The following DDX60L variants were observed in gnomAD, a reference collection of about 807,000 sequenced individuals.
The protein encoded by DDX60L is probable ATP-dependent RNA helicase DDX60-like.
Under a neutral mutation model 211.6 loss-of-function variants are expected in DDX60L, and 191 were observed. The ratio of observed to expected loss-of-function variants is 0.90; its 90% CI spans 0.80 to 1.02. The LOEUF is 1.02. Among genes scored for constraint, DDX60L ranks in the 50% least tolerant of loss-of-function variants. The probability of loss-of-function intolerance (pLI) is 0.00; values close to 1 mark genes in which losing one functional copy is unlikely to be tolerated. For synonymous variants in DDX60L, 706 were observed against 694.1 expected (o/e 1.02, Z -0.27); for missense variants, 2,007 against 1,984.1 (o/e 1.01, Z -0.22).
chr4:168,460,650 C>T (rs1303843593), intron 5 of DDX60L, among the ~76,000 whole-genome samples: 1 of 152,014 alleles, frequency 6.6e-6, no homozygotes, highest in Non-Finnish European at 1.5e-5. Flanking sequence ...TTTTCCACAC[C>T]AATAATTGCC....
In DDX60L at chr4:168,430,655, T is replaced by G; in HGVS notation, c.1517-17A>C. 6.7e-7 allele frequency: 1 copy of G among 1,497,018 alleles called. No homozygotes were observed. The highest frequency in any genetic ancestry group is 8.9e-7 in the Non-Finnish European group (1 of 1,119,994). The allele number at this position is 1,497,018 out of a possible 1,614,324, so 92.7% of individuals were successfully genotyped here. On this transcript the variant is annotated splice_polypyrimidine_tract_variant and intron_variant, in intron 12 of 37. Transcript: ENST00000682922. ...TAGATTGTTCTGAAATAGAAAGACT[T>G]AAAATGTAAACATGTATTTTAAAAT... is the stretch of plus-strand genomic sequence containing the variant.
intron 16 of DDX60L, 101 bp from the exon 17 acceptor site, chr4:168,422,010 T>G (rs1241323469): frequency 6.1e-6 from 9 of 1,480,076 alleles, no homozygotes; most frequent in African/African-American, 1.4e-5. Context: ...GCCTGTATTA[T>G]GCTACCTTTG....
At chr4:168,436,134 T>C (rs1424865402) in intron 10 of DDX60L, among the ~76,000 whole-genome samples, 1 of 152,228 alleles carries the variant, frequency 6.6e-6, no homozygotes, top group Non-Finnish European at 1.5e-5. Context: ...TTAGGTGTGC[T>C]ATTCTGGCTT....
intron 26 of DDX60L, among the ~76,000 whole-genome samples, chr4:168,396,952 A>G (rs768208597): frequency 1.3e-5 from 2 of 152,166 alleles, no homozygotes; most frequent in Non-Finnish European, 2.9e-5. Context: ...TTGAAATCCT[A>G]AACTCCATTT....
chr4:168,449,017 C>T (rs562318537), intron 8 of DDX60L, among the ~76,000 whole-genome samples: 18 of 152,194 alleles, frequency 1.2e-4, no homozygotes, highest in African/African-American at 3.9e-4. Context: ...CCTTATAGTA[C>T]GCTGTTCCCT....
intron 36 of DDX60L, among the ~76,000 whole-genome samples, chr4:168,362,161 C>G (rs1739225636): frequency 5.3e-5 from 8 of 152,232 alleles, no homozygotes; most frequent in Admixed American, 5.2e-4. Flanking sequence ...GAGGTGGCCC[C>G]ACCTCCTGAA....
At chr4:168,389,973 G>C (rs1744513554) in intron 29 of DDX60L, 1 of 169,168 alleles carries the variant, frequency 5.9e-6, no homozygotes, top group African/African-American at 2.4e-5. Context: ...TCTGTTTTAA[G>C]TGCATTTCTC....
intron 10 of DDX60L, among the ~76,000 whole-genome samples, chr4:168,437,570 G>A (rs753959504): frequency 1.1e-4 from 16 of 152,202 alleles, no homozygotes; most frequent in African/African-American, 1.2e-4. Context: ...GCAAAGGAAA[G>A]TCAGATAGGC....
chr4:168,451,673 G>C (rs1210433841), intron 8 of DDX60L, among the ~76,000 whole-genome samples: 2 of 152,184 alleles, frequency 1.3e-5, no homozygotes, highest in African/African-American at 4.8e-5. Flanking sequence ...AAACAAAAAT[G>C]TCAATTTCAG....
In DDX60L at chr4:168,462,674, G is replaced by A. The variant is rs180853299; in HGVS notation, c.265-634C>T. Among the ~76,000 whole-genome samples the A allele has an allele frequency of 4.2e-3, 633 of 152,146 alleles. 9 individuals are homozygous for A. The highest frequency in any genetic ancestry group is 0.014 in the African/African-American group (591 of 41,500). ...CTAAAAATACAAAAATTAGCTGGGC[G>A]CAGTGGTGGGTGCCTGCAAGCCCAG... On this transcript the variant is annotated intron_variant, in intron 4 of 37. Transcript: ENST00000682922.
intron 37 of DDX60L, among the ~76,000 whole-genome samples, chr4:168,360,438 C>T (rs1738910216): frequency 6.6e-6 from 1 of 152,174 alleles, no homozygotes; most frequent in Admixed American, 6.5e-5. Context: ...GAAAGCTTCC[C>T]AAAGGGTCAG....
intron 10 of DDX60L, among the ~76,000 whole-genome samples, chr4:168,439,860 C>T (rs1753572483): frequency 6.6e-6 from 1 of 152,160 alleles, no homozygotes; most frequent in Non-Finnish European, 1.5e-5. Context: ...AATAACCCCT[C>T]TCTCACACCA....
chr4:168,440,731 C>T (rs1579658689), intron 10 of DDX60L, among the ~76,000 whole-genome samples: 2 of 152,316 alleles, frequency 1.3e-5, no homozygotes, highest in African/African-American at 4.8e-5. Flanking sequence ...CCACAGCACT[C>T]ATTAGTTCCT....
intron 5 of DDX60L, among the ~76,000 whole-genome samples, chr4:168,460,963 C>T (rs1317622622): frequency 6.6e-6 from 1 of 152,200 alleles, no homozygotes; most frequent in African/African-American, 2.4e-5. Flanking sequence ...GGAACAGATG[C>T]ACAGGGCAAG....
At chr4:168,398,479 G>T (rs1560987853) in intron 26 of DDX60L, among the ~76,000 whole-genome samples, 1 of 152,216 alleles carries the variant, frequency 6.6e-6, no homozygotes, top group Admixed American at 6.5e-5. Flanking sequence ...GAGCCTGGGT[G>T]CCATGAACAG....
chr4:168,401,748 G>A (rs1746851713), intron 25 of DDX60L, among the ~76,000 whole-genome samples: 1 of 152,128 alleles, frequency 6.6e-6, no homozygotes, highest in Admixed American at 6.5e-5. Context: ...GTGAGGCCAT[G>A]GATTTACTAG....
At chr4:168,424,059 G>A (rs1181298024) in intron 14 of DDX60L, among the ~76,000 whole-genome samples, 2 of 152,148 alleles carry the variant, frequency 1.3e-5, no homozygotes, top group African/African-American at 4.8e-5. Context: ...GCAGAAATAT[G>A]AACCATTTAA....
chr4:168,400,035 G>C (rs1746517869), intron 26 of DDX60L, among the ~76,000 whole-genome samples: 1 of 151,964 alleles, frequency 6.6e-6, no homozygotes, highest in Non-Finnish European at 1.5e-5. Flanking sequence ...CCCTCGGATA[G>C]GCCCCAGTGT....
intron 14 of DDX60L, among the ~76,000 whole-genome samples, chr4:168,426,589 T>C (rs980784113): frequency 6.6e-6 from 1 of 152,248 alleles, no homozygotes; most frequent in Non-Finnish European, 1.5e-5. Context: ...CCAAGCCTGT[T>C]CACTATACAA....
Sources: gnomAD v4.1 joint callset for allele counts (sites outside exome capture counted in the v4.1 genomes callset) on GRCh38, gnomAD v4.1.1 for gene constraint, MANE v1.5 for transcripts, NCBI Gene and HGNC (gene_info 2026-07-23, HGNC 2026-07-21) for gene names.